Variants in ADGRG3 observed in about 807,000 individuals in gnomAD.
ADGRG3 encodes the protein G protein-coupled receptor 97.
A neutral mutation model predicts 54.3 loss-of-function variants in ADGRG3; 39 were observed. The observed-to-expected ratio is 0.72, with a 90% CI of 0.56 to 0.94. ADGRG3 has a LOEUF of 0.94. Among genes scored for constraint, ADGRG3 ranks in the 40% least tolerant of loss-of-function variants. The pLI, the probability that ADGRG3 is intolerant of heterozygous loss-of-function variation, is 0.00. For missense variants in ADGRG3, 654 were observed against 694.6 expected (o/e 0.94, Z 0.66); for synonymous variants, 312 against 290.0 (o/e 1.08, Z -0.77).
intron 3 of ADGRG3, 53 bp downstream of exon 3, chr16:57,676,391 G>GT: frequency 6.4e-7 from 1 of 1,558,262 alleles, no homozygotes; most frequent in Admixed American, 1.7e-5. Context: ...TTTCTTGGAC[G>GT]TATATTTCAA....
chr16:57,678,176 A>C lies in ADGRG3; in HGVS notation c.352A>C (p.Arg118=), dbSNP rs2048297420. 6.2e-7 allele frequency: 1 copy of C among 1,613,900 alleles called. No individual in the cohort carries two copies. Among genetic ancestry groups the C allele is most frequent in the Non-Finnish European group, 8.5e-7 (1 of 1,179,976 alleles). Residue 118 remains arginine, a synonymous_variant, in exon 4 of 12, where the codon AGG becomes CGG. Coordinates refer to ENST00000333493, the MANE Select transcript of ADGRG3 (RefSeq NM_170776.5). ...GCTGTGTCTGTGGTTGTAGGTTCCGAGGCAGGTGATGAAGGACGAGGACAA... is the reference window on the plus strand; with the variant it reads ...GCTGTGTCTGTGGTTGTAGGTTCCGCGGCAGGTGATGAAGGACGAGGACAA... ...YFSLEPSQVP[R]QVMKDEDKPP... is the part of the protein sequence containing the mutation.
rs551642212 is a variant in ADGRG3 at position 57,672,846 on chromosome 16, C to T, written c.59-475C>T. Among the ~76,000 whole-genome samples, 196 of 152,284 alleles carry T rather than the reference C, an allele frequency of 1.3e-3. 1 individual carries two copies. The highest frequency in any genetic ancestry group is 4.5e-3 in the African/African-American group (186 of 41,548). On this transcript the variant is annotated intron_variant, in intron 1 of 11. Coordinates refer to ENST00000333493, the MANE Select transcript of ADGRG3 (RefSeq NM_170776.5). ...TAGCACAGGTGTGAGCCACCACGCC[C>T]TGCCAATACATCATTTTTTAAATTT...
intron 1 of ADGRG3, among the ~76,000 whole-genome samples, chr16:57,669,635 G>C (rs2048117579): frequency 6.6e-6 from 1 of 152,204 alleles, no homozygotes; most frequent in African/African-American, 2.4e-5. Flanking sequence ...TCTACACACA[G>C]GAAGGTCTGC....
At chr16:57,678,093 C>G in intron 3 of ADGRG3, 77 bp from the exon 4 acceptor site, 2 of 1,565,898 alleles carry the variant, frequency 1.3e-6, no homozygotes, top group Non-Finnish European at 1.7e-6. Context: ...TGCCTGCTTC[C>G]CCTCCCAGCT....
chr16:57,675,349 T>C (rs760146253), intron 2 of ADGRG3, among the ~76,000 whole-genome samples: 3 of 151,736 alleles, frequency 2.0e-5, no homozygotes, highest in Admixed American at 6.6e-5. Flanking sequence ...TAGGGCCAGG[T>C]GCAGTGGGTT....
chr16:57,674,995 CAAAAAA>C (rs34536208), intron 2 of ADGRG3, among the ~76,000 whole-genome samples: 7 of 48,938 alleles, frequency 1.4e-4, no homozygotes, highest in South Asian at 1.1e-3. Context: ...GACTCCATCT[CAAAAAA>C]AAAAAAAAAA....
intron 2 of ADGRG3, chr16:57,674,621 G>A (rs2148698732): frequency 2.2e-6 from 1 of 452,592 alleles, no homozygotes; most frequent in Non-Finnish European, 4.4e-6. Context: ...CCCCAGAGCT[G>A]TTCAGAGGCT....
intron 4 of ADGRG3, 24 bp from the exon 5 acceptor site, chr16:57,679,153 C>T: frequency 6.2e-7 from 1 of 1,612,562 alleles, no homozygotes; most frequent in Non-Finnish European, 8.5e-7. Flanking sequence ...TGCAGCCTGG[C>T]CTCCCCGATC....
chr16:57,668,063 G>A (rs60749242), upstream of ADGRG3: 16,728 of 538,026 alleles, frequency 0.031, 1,027 homozygotes, highest in African/African-American at 0.16. Flanking sequence ...CCCTAGCCCC[G>A]TAGATCCCAC....
At chr16:57,668,237 AG>A (rs1301059772), upstream of ADGRG3, 10 of 833,512 alleles carry the variant, frequency 1.2e-5, no homozygotes, top group Non-Finnish European at 1.9e-5. Context: ...AAGAGGACAC[AG>A]GAAGCCAGAG....
At chr16:57,680,427 AG>A in intron 7 of ADGRG3, 62 bp downstream of exon 7, 1 of 1,559,634 alleles carries the variant, frequency 6.4e-7, no homozygotes, top group Non-Finnish European at 8.8e-7. Context: ...TGCCCTGGGG[AG>A]GGGGCTGCCT....
At position 57,668,442 on chromosome 16, in the gene ADGRG3, G is replaced by T. The variant is rs1248945436; in HGVS notation, c.58+37G>T. On this transcript the variant is annotated intron_variant, in intron 1 of 11. Coordinates refer to ENST00000333493, the MANE Select transcript of ADGRG3 (RefSeq NM_170776.5). ...GCACCTCATCCCCTCCTGCCACGCT[G>T]GGCCGACCCTGCCCTGCCGAGGGAG... 2.9e-5 allele frequency: 44 copies of T among 1,530,732 alleles called. No individual in the cohort carries two copies. In the East Asian group the frequency reaches 1.0e-3, roughly 36 times the overall value. 94.8% of individuals were successfully genotyped at this position (1,530,732 alleles called of 1,614,324 possible).
intron 8 of ADGRG3, 136 bp downstream of exon 8, chr16:57,680,753 G>C (rs1286364625): frequency 2.5e-5 from 16 of 643,792 alleles, no homozygotes. Context: ...TCCCAAAATG[G>C]GGTTGGGGGT....
At chr16:57,681,924 C>A (rs1392878767) in intron 8 of ADGRG3, among the ~76,000 whole-genome samples, 3 of 152,148 alleles carry the variant, frequency 2.0e-5, no homozygotes, top group African/African-American at 7.2e-5. Flanking sequence ...TCAGCCTATG[C>A]AGTTTTATCC....
At chr16:57,670,475 TA>T (rs1458847771) in intron 1 of ADGRG3, among the ~76,000 whole-genome samples, 2 of 152,008 alleles carry the variant, frequency 1.3e-5, no homozygotes, top group East Asian at 1.9e-4. Context: ...CTGACAATGT[TA>T]TCTCCCCTCC....
intron 3 of ADGRG3, among the ~76,000 whole-genome samples, chr16:57,677,496 C>A (rs1328603870): frequency 6.6e-6 from 1 of 152,148 alleles, no homozygotes; most frequent in Non-Finnish European, 1.5e-5. Context: ...GCAGGAGAAT[C>A]GCTTGAACCT....
intron 1 of ADGRG3, among the ~76,000 whole-genome samples, chr16:57,668,833 GTTC>G (rs2048099480): frequency 6.6e-6 from 1 of 152,144 alleles, no homozygotes; most frequent in South Asian, 2.1e-4. Flanking sequence ...CTGTCACCTC[GTTC>G]TTCTGGACCT....
At chr16:57,667,318 G>C (rs117037439), upstream of ADGRG3, among the ~76,000 whole-genome samples, 1,532 of 152,364 alleles carry the variant, frequency 0.01, 9 homozygotes, top group South Asian at 0.018. Flanking sequence ...ACCTTGGTGG[G>C]ATGCCCTTCA....
At chr16:57,668,660 A>AG (rs1266434631) in intron 1 of ADGRG3, among the ~76,000 whole-genome samples, 1 of 152,186 alleles carries the variant, frequency 6.6e-6, no homozygotes, top group African/African-American at 2.4e-5. Flanking sequence ...CCCTGGAGAT[A>AG]GGGGAGGTCG....
Sources: gnomAD v4.1 joint callset for allele counts (sites outside exome capture counted in the v4.1 genomes callset) on GRCh38, gnomAD v4.1.1 for gene constraint, MANE v1.5 for transcripts, NCBI Gene and HGNC (gene_info 2026-07-23, HGNC 2026-07-21) for gene names.